Variants in PSEN1 observed in about 807,000 individuals in gnomAD.
The protein encoded by PSEN1 is presenilin 1.
PSEN1 carries 15 observed loss-of-function variants against 53.5 expected under a neutral mutation model. The ratio of observed to expected loss-of-function variants is 0.28; its 90% CI spans 0.19 to 0.43. The LOEUF is 0.43. Among genes scored for constraint, PSEN1 ranks in the 20% least tolerant of loss-of-function variants. The pLI is 1.00. For missense variants in PSEN1, 387 were observed against 571.2 expected (o/e 0.68, Z 3.29); for synonymous variants, 208 against 209.8 (o/e 0.99, Z 0.08).
rs1259844276 is a variant in PSEN1 at position 73,222,572 on chromosome 14, C to T, written c.*3283C>T. On this transcript the variant is annotated 3_prime_UTR_variant, in exon 12 of 12. Transcript: ENST00000324501. The stretch of plus-strand genomic sequence containing the variant: ...CCTGGAAGAAAAAGAGCTCAGAAAC[C>T]ACTATGAAAAAATTTGTTCAGTGTT... The T allele has an allele frequency of 6.6e-6, 1 of 152,146 alleles. No homozygotes were observed. Among genetic ancestry groups the T allele is most frequent in the African/African-American group, 2.4e-5 (1 of 41,430 alleles). 9.4% of individuals were successfully genotyped at this position (152,146 alleles called of 1,614,324 possible).
At position 73,212,256 on chromosome 14, in the gene PSEN1, G is replaced by A. The variant is rs377193019; in HGVS notation, c.1129+314G>A. 7.9e-5 allele frequency among the ~76,000 whole-genome samples: 12 copies of A among 151,602 alleles called. No homozygotes were observed. The East Asian group carries it at 1.9e-3, about 25-fold the overall frequency. ...CTCCCAAGTAGCTGGGACTACAGGC[G>A]TGCGCCACCACGCCTGGATAATTTT... is the stretch of plus-strand genomic sequence containing the variant. On this transcript the variant is annotated intron_variant, in intron 10 of 11. Transcript: ENST00000324501.
intron 3 of PSEN1, chr14:73,169,038 C>T (rs1363243591): frequency 6.6e-6 from 1 of 152,216 alleles, no homozygotes; most frequent in East Asian, 1.9e-4. Context: ...AGCCACGCTC[C>T]GAGCCATGAG....
At chr14:73,198,214 GGTA>G in intron 8 of PSEN1, 85 bp downstream of exon 8, 1 of 820,612 alleles carries the variant, frequency 1.2e-6, no homozygotes, top group Non-Finnish European at 2.1e-6. Flanking sequence ...TCATTTTCAT[GGTA>G]CTTGTTCTCA....
At chr14:73,179,584 T>C (rs1427616035) in intron 5 of PSEN1, among the ~76,000 whole-genome samples, 1 of 152,126 alleles carries the variant, frequency 6.6e-6, no homozygotes, top group African/African-American at 2.4e-5. Context: ...GCCACTGCAC[T>C]CCAGCCTGAG....
intron 3 of PSEN1, among the ~76,000 whole-genome samples, chr14:73,158,525 C>T (rs952100215): frequency 2.6e-5 from 4 of 152,166 alleles, no homozygotes; most frequent in Non-Finnish European, 4.4e-5. Flanking sequence ...TAGGTTTCTT[C>T]ATGTTGGCCA....
intron 1 of PSEN1, among the ~76,000 whole-genome samples, chr14:73,145,653 T>C (rs1280838334): frequency 6.6e-6 from 1 of 152,208 alleles, no homozygotes; most frequent in Non-Finnish European, 1.5e-5. Context: ...TGCAATTTAT[T>C]GACTACTTCA....
At chr14:73,171,105 T>C in intron 4 of PSEN1, 58 bp downstream of exon 4, 1 of 1,601,384 alleles carries the variant, frequency 6.2e-7, no homozygotes, top group Non-Finnish European at 8.5e-7. Context: ...CTTTACAGCA[T>C]GTCATCATCA....
chr14:73,144,617 A>C (rs1897019238), intron 1 of PSEN1, among the ~76,000 whole-genome samples: 1 of 152,224 alleles, frequency 6.6e-6, no homozygotes, highest in Admixed American at 6.5e-5. Flanking sequence ...GACCTTAAGC[A>C]AGTGAACTTC....
At chr14:73,177,023 C>T (rs1469692910) in intron 5 of PSEN1, among the ~76,000 whole-genome samples, 2 of 152,112 alleles carry the variant, frequency 1.3e-5, no homozygotes, top group Non-Finnish European at 2.9e-5. Context: ...TTTTTCTGGA[C>T]CTTATTGCCA....
intron 4 of PSEN1, among the ~76,000 whole-genome samples, chr14:73,172,357 C>T (rs1351739789): frequency 6.6e-6 from 1 of 152,168 alleles, no homozygotes; most frequent in African/African-American, 2.4e-5. Flanking sequence ...TCTAAGACAG[C>T]AGGTGAAGGG....
chr14:73,181,501 G>C (rs918092184), intron 5 of PSEN1, among the ~76,000 whole-genome samples: 1 of 152,210 alleles, frequency 6.6e-6, no homozygotes, highest in Non-Finnish European at 1.5e-5. Context: ...GCACGGACCT[G>C]TAGACCCAGT....
chr14:73,193,349 A>G (rs1461238513), intron 7 of PSEN1, among the ~76,000 whole-genome samples: 1 of 151,840 alleles, frequency 6.6e-6, no homozygotes, highest in Non-Finnish European at 1.5e-5. Flanking sequence ...AGGTTTTGAC[A>G]AGCTGGCCAA....
intron 10 of PSEN1, among the ~76,000 whole-genome samples, chr14:73,213,818 C>T (rs1231047591): frequency 6.6e-6 from 1 of 152,100 alleles, no homozygotes; most frequent in Non-Finnish European, 1.5e-5. Flanking sequence ...ACTAGATTGG[C>T]TATAATAAAA....
At chr14:73,197,228 C>T (rs985852510) in intron 7 of PSEN1, among the ~76,000 whole-genome samples, 7 of 152,072 alleles carry the variant, frequency 4.6e-5, no homozygotes, top group East Asian at 3.9e-4. Context: ...CCACTGCGCC[C>T]GGCCTATATG....
chr14:73,165,213 C>T (rs1034869120), intron 3 of PSEN1, among the ~76,000 whole-genome samples: 14 of 152,146 alleles, frequency 9.2e-5, no homozygotes, highest in Non-Finnish European at 2.1e-4. Context: ...GCCTCAGCCT[C>T]CCAGAGTGCT....
chr14:73,161,614 C>T (rs1566624696), intron 3 of PSEN1, among the ~76,000 whole-genome samples: 3 of 152,180 alleles, frequency 2.0e-5, no homozygotes, highest in Non-Finnish European at 4.4e-5. Context: ...TGTCAATAGT[C>T]CTCTCCCAGT....
In PSEN1 at chr14:73,173,624, A is replaced by G. The variant is rs1287002178; in HGVS notation, c.397A>G (p.Ile133Val). 2 of 1,613,194 alleles carry G rather than the reference A, an allele frequency of 1.2e-6. No individual in the cohort carries two copies. The highest frequency in any genetic ancestry group is 1.7e-6 in the Non-Finnish European group (2 of 1,179,268). The change falls in exon 5 of 12, where the codon ATT (isoleucine) becomes GTT (valine). Residue 133 changes from isoleucine to valine, a missense_variant. Physicochemically the swap from Ile to Val is conservative, Grantham distance 29 (BLOSUM62 3). Coordinates refer to ENST00000324501, the MANE Select transcript of PSEN1 (RefSeq NM_000021.4). Reference protein sequence around the residue: ...ETVGQRALHSILNAAIMISVI... With the variant: ...ETVGQRALHSVLNAAIMISVI... ...TGTGGGCCAGAGAGCCCTGCACTCA[A>G]TTCTGAATGCTGCCATCATGATCAG...
At chr14:73,197,353 T>G (rs1898998275) in intron 7 of PSEN1, among the ~76,000 whole-genome samples, 1 of 152,222 alleles carries the variant, frequency 6.6e-6, no homozygotes, top group Non-Finnish European at 1.5e-5. Context: ...TTTTGTAAAA[T>G]AAGCTACTTT....
chr14:73,212,704 G>A (rs1899752993), intron 10 of PSEN1, among the ~76,000 whole-genome samples: 1 of 152,204 alleles, frequency 6.6e-6, no homozygotes, highest in Non-Finnish European at 1.5e-5. Flanking sequence ...TGTCTAAGAT[G>A]TGTTGCCACT....
Sources: gnomAD v4.1 joint callset for allele counts (sites outside exome capture counted in the v4.1 genomes callset) on GRCh38, gnomAD v4.1.1 for gene constraint, MANE v1.5 for transcripts, NCBI Gene and HGNC (gene_info 2026-07-23, HGNC 2026-07-21) for gene names.